Variants in MEGF11 observed in about 807,000 individuals in gnomAD.
MEGF11 encodes multiple epidermal growth factor-like domains protein 11.
MEGF11 carries 126 observed loss-of-function variants against 146.6 expected under a neutral mutation model. That is an observed-to-expected ratio of 0.86 (90% CI 0.74 to 1.00). MEGF11 has a LOEUF of 1.00. MEGF11 is among the 50% of genes least tolerant of loss of function. The probability of loss-of-function intolerance (pLI) is 0.00; values close to 1 mark genes in which losing one functional copy is unlikely to be tolerated. For synonymous variants in MEGF11, 532 were observed against 583.4 expected (o/e 0.91, Z 1.27); for missense variants, 1,509 against 1,521.2 (o/e 0.99, Z 0.13).
chr15:65,950,461 C>G (rs2080359347), intron 10 of MEGF11, among the ~76,000 whole-genome samples: 1 of 151,928 alleles, frequency 6.6e-6, no homozygotes, highest in Admixed American at 6.6e-5. Context: ...ACCTGTAGAC[C>G]CAGCTACTTG....
In MEGF11 at chr15:66,096,457, G is replaced by A. The variant is rs79605318; in HGVS notation, c.302-1963C>T. Among the ~76,000 whole-genome samples the A allele has an allele frequency of 5.0e-3, 758 of 152,360 alleles. 6 individuals carry two copies. The highest frequency in any genetic ancestry group is 0.018 in the African/African-American group (728 of 41,572). ...TGGCCTCTCAGACAGGGAGGAAGGA[G>A]CTTGGGGTGGCTCCTGGAGCTAGAG... On this transcript the variant is annotated intron_variant, in intron 4 of 25. Coordinates refer to ENST00000395614, the MANE Select transcript of MEGF11 (RefSeq NM_001385028.1).
In MEGF11 at chr15:66,152,702, C is replaced by T. The variant is rs569211249; in HGVS notation, c.-8-24291G>A. On this transcript the variant is annotated intron_variant, in intron 1 of 25. Transcript: ENST00000395614. ...CCTTCCTTGACAGGAGAATGCAGAG[C>T]GAGGGGCACATGAGACTCTCCCCCT... 1.8e-4 allele frequency among the ~76,000 whole-genome samples: 28 copies of T among 152,296 alleles called. 1 individual carries two copies. Among genetic ancestry groups the T allele is most frequent in the African/African-American group, 6.3e-4 (26 of 41,568 alleles).
At chr15:66,197,021 A>G (rs1217825465) in intron 1 of MEGF11, among the ~76,000 whole-genome samples, 1 of 152,246 alleles carries the variant, frequency 6.6e-6, no homozygotes, top group African/African-American at 2.4e-5. Flanking sequence ...CCCTTTTGTC[A>G]CATAAACTAT....
At chr15:65,909,594 A>T in intron 22 of MEGF11, 146 bp downstream of exon 22, 2 of 705,682 alleles carry the variant, frequency 2.8e-6, no homozygotes, top group Non-Finnish European at 4.8e-6. Context: ...CTTGGGCTTC[A>T]TCTGCTTGTG....
rs66595752 is a variant in MEGF11, at chr15:66,150,823, CGAGAGAGAGAGAGA to C, written c.-8-22426_-8-22413del. Among the ~76,000 whole-genome samples the C allele has an allele frequency of 2.2e-3, 225 of 104,358 alleles. 1 individual carries two copies. The highest frequency in any genetic ancestry group is 5.3e-3 in the South Asian group (14 of 2,648). 68.5% of individuals were successfully genotyped at this position (104,358 alleles called of 152,430 possible). ...CCTGGGCAATAGAGCAATGCCCTGTCGAGAGAGAGAGAGAGAGAGAGAGAGAGAGAGAGAGAGAG... is the reference window on the plus strand; with the variant it reads ...CCTGGGCAATAGAGCAATGCCCTGTCGAGAGAGAGAGAGAGAGAGAGAGAG... On this transcript the variant is annotated intron_variant, in intron 1 of 25. Coordinates refer to ENST00000395614, the MANE Select transcript of MEGF11 (RefSeq NM_001385028.1).
At chr15:66,159,847 T>C (rs994752994) in intron 1 of MEGF11, among the ~76,000 whole-genome samples, 11 of 151,842 alleles carry the variant, frequency 7.2e-5, no homozygotes, top group Admixed American at 2.6e-4. Flanking sequence ...GGGAGACCAG[T>C]GAGGCCCTAG....
intron 1 of MEGF11, among the ~76,000 whole-genome samples, chr15:66,208,212 A>G (rs2091351976): frequency 6.6e-6 from 1 of 152,198 alleles, no homozygotes; most frequent in Non-Finnish European, 1.5e-5. Flanking sequence ...TATATTATAC[A>G]TGGGGAAGTC....
intron 5 of MEGF11, among the ~76,000 whole-genome samples, chr15:66,040,491 A>G (rs1243981294): frequency 6.6e-6 from 1 of 151,936 alleles, no homozygotes; most frequent in Non-Finnish European, 1.5e-5. Flanking sequence ...GATTGGGTAC[A>G]CCGGGAAGTA....
At chr15:65,996,441 G>C (rs2082199466) in intron 5 of MEGF11, among the ~76,000 whole-genome samples, 1 of 151,642 alleles carries the variant, frequency 6.6e-6, no homozygotes, top group African/African-American at 2.4e-5. Context: ...AATACTGTGG[G>C]AAACTTGCTA....
At chr15:66,190,763 T>G (rs2090847376) in intron 1 of MEGF11, among the ~76,000 whole-genome samples, 2 of 152,246 alleles carry the variant, frequency 1.3e-5, no homozygotes, top group Admixed American at 1.3e-4. Context: ...CAATACACTC[T>G]ATGCTGTGTC....
intron 1 of MEGF11, among the ~76,000 whole-genome samples, chr15:66,140,828 G>A (rs547704032): frequency 3.5e-4 from 54 of 152,292 alleles, no homozygotes; most frequent in East Asian, 3.1e-3. Flanking sequence ...GGCAGGAAGC[G>A]GGCCTGGAAG....
At chr15:65,904,745 C>G (rs2078577601) in intron 24 of MEGF11, among the ~76,000 whole-genome samples, 1 of 152,182 alleles carries the variant, frequency 6.6e-6, no homozygotes, top group African/African-American at 2.4e-5. Flanking sequence ...TTCACACATG[C>G]AGATTCCAGG....
At chr15:66,132,345 C>A (rs1213655764) in intron 1 of MEGF11, among the ~76,000 whole-genome samples, 1 of 152,200 alleles carries the variant, frequency 6.6e-6, no homozygotes, top group Non-Finnish European at 1.5e-5. Context: ...GCTGTTACAG[C>A]CTTAAGATCC....
At chr15:65,914,664 G>T (rs2078931942) in intron 19 of MEGF11, among the ~76,000 whole-genome samples, 1 of 152,178 alleles carries the variant, frequency 6.6e-6, no homozygotes, top group South Asian at 2.1e-4. Context: ...TTGACTGTTG[G>T]CTGCTGGCTG....
At chr15:66,183,950 G>A (rs1312671620) in intron 1 of MEGF11, among the ~76,000 whole-genome samples, 1 of 152,128 alleles carries the variant, frequency 6.6e-6, no homozygotes, top group East Asian at 1.9e-4. Flanking sequence ...TAATTATGCT[G>A]CATGAAAGAA....
At chr15:66,067,478 C>T (rs1297065699) in intron 5 of MEGF11, among the ~76,000 whole-genome samples, 2 of 152,206 alleles carry the variant, frequency 1.3e-5, no homozygotes, top group Non-Finnish European at 2.9e-5. Context: ...GGCCTTAAAG[C>T]TGTTTTTGGA....
intron 1 of MEGF11, among the ~76,000 whole-genome samples, chr15:66,133,679 G>A (rs115597347): frequency 0.018 from 2,694 of 152,196 alleles, 22 homozygotes; most frequent in South Asian, 0.024. Flanking sequence ...ATCAGCCCTC[G>A]TAATTAAGAA....
chr15:66,105,948 T>C (rs2087053382), intron 4 of MEGF11, among the ~76,000 whole-genome samples: 1 of 152,140 alleles, frequency 6.6e-6, no homozygotes, highest in Non-Finnish European at 1.5e-5. Context: ...TTTCCTCTCT[T>C]TCCAGCCAAT....
At chr15:65,981,104 T>A (rs2081623174) in intron 6 of MEGF11, among the ~76,000 whole-genome samples, 3 of 152,166 alleles carry the variant, frequency 2.0e-5, no homozygotes, top group African/African-American at 7.2e-5. Context: ...CTTGGGCCAA[T>A]ACTTGTGGGA....
Sources: allele counts gnomAD v4.1 joint callset (sites outside exome capture counted in the v4.1 genomes callset), GRCh38; gene constraint gnomAD v4.1.1; transcripts MANE v1.5; gene names NCBI Gene and HGNC (gene_info 2026-07-23, HGNC 2026-07-21).